Variants in DOCK9 observed in about 807,000 individuals in gnomAD.
The protein encoded by DOCK9 is dedicator of cytokinesis 9.
DOCK9 carries 89 observed loss-of-function variants against 263.3 expected under a neutral mutation model. The ratio of observed to expected loss-of-function variants is 0.34; its 90% CI spans 0.28 to 0.40. DOCK9 has a LOEUF of 0.40. Ranked by LOEUF, DOCK9 falls within the 10% of genes least tolerant of loss-of-function variation. The pLI is 1.00. For missense variants in DOCK9, 2,140 were observed against 2,603.4 expected, an observed-to-expected ratio of 0.82 and a Z score of 3.87; for synonymous variants, 976 against 973.1, an observed-to-expected ratio of 1.00 and a Z score of -0.06.
At chr13:98,960,705 C>T (rs750752488) in intron 1 of DOCK9, among the ~76,000 whole-genome samples, 1 of 152,190 alleles carries the variant, frequency 6.6e-6, no homozygotes, top group Non-Finnish European at 1.5e-5. Flanking sequence ...GAACTGGTTA[C>T]AAACGTAAAT....
At chr13:99,034,549 A>C (rs1405939891) in intron 1 of DOCK9, among the ~76,000 whole-genome samples, 3 of 152,160 alleles carry the variant, frequency 2.0e-5, no homozygotes, top group Admixed American at 1.3e-4. Context: ...TCATCTGCAA[A>C]ACATGGATAA....
In DOCK9 at chr13:98,867,968, A is replaced by G. The variant is rs1566781289; in HGVS notation, c.3134T>C (p.Ile1045Thr). 1 of 1,613,766 alleles carries G rather than the reference A, an allele frequency of 6.2e-7. No individual in the cohort carries two copies. Residue 1045 changes from isoleucine to threonine, a missense_variant, in exon 29 of 53, where the codon ATC (isoleucine) becomes ACC (threonine). By Grantham distance (89) the Ile-to-Thr change is moderately conservative. This residue lies in a region of DOCK9 where 1,521 missense variants were observed against 1,741.7 expected (regional missense o/e 0.87). Coordinates refer to ENST00000682017, the MANE Select transcript of DOCK9 (RefSeq NM_001366683.2). The part of the protein sequence containing the change: ...FMDRGFVFKQ[I>T]NNYISCFAPG... ...AGCAAAACAGCTAATGTAGTTGTTG[A>G]TCTGCTTGAAGACAAAGCCCCTGTC...
chr13:98,880,039 G>A (rs1164623877), intron 26 of DOCK9, 70 bp from the exon 27 acceptor site: 5 of 1,204,616 alleles, frequency 4.2e-6, no homozygotes, highest in Admixed American at 2.3e-5. Flanking sequence ...ACTCTCTCAG[G>A]CTGACAATAT....
intron 2 of DOCK9, among the ~76,000 whole-genome samples, chr13:98,949,511 A>C (rs1398998590): frequency 6.6e-6 from 1 of 152,214 alleles, no homozygotes. Context: ...GGGGCAGCCA[A>C]TGTAGAAAAC....
intron 20 of DOCK9, 172 bp downstream of exon 20, chr13:98,885,536 T>TAAAAAAAAAAAAAA (rs11411440): frequency 2.1e-6 from 1 of 466,252 alleles, no homozygotes; most frequent in African/African-American, 2.2e-5. Context: ...GCTCAAAAAT[T>TAAAAAAAAAAAAAA]AAAAAAAAAA....
chr13:98,890,632 T>C (rs561416220), intron 15 of DOCK9, among the ~76,000 whole-genome samples: 1 of 152,314 alleles, frequency 6.6e-6, no homozygotes, highest in African/African-American at 2.4e-5. Flanking sequence ...AGATTCAGCA[T>C]TTGGTTTTGT....
intron 9 of DOCK9, among the ~76,000 whole-genome samples, chr13:98,910,108 G>C (rs1188853087): frequency 2.0e-5 from 3 of 152,000 alleles, no homozygotes; most frequent in African/African-American, 7.3e-5. Context: ...ACATAAGGTG[G>C]GTTTTCTTCA....
At chr13:98,821,445 T>C (rs987583398) in intron 45 of DOCK9, among the ~76,000 whole-genome samples, 2 of 152,244 alleles carry the variant, frequency 1.3e-5, no homozygotes, top group Admixed American at 6.5e-5. Flanking sequence ...ACATCCCTTG[T>C]TGGCTTCCCT....
At chr13:98,852,625 A>G (rs1303724076) in intron 35 of DOCK9, among the ~76,000 whole-genome samples, 1 of 152,224 alleles carries the variant, frequency 6.6e-6, no homozygotes, top group Non-Finnish European at 1.5e-5. Context: ...GTTCATCCTA[A>G]TTCAATCACC....
At chr13:98,836,011 C>T (rs1352370590) in intron 39 of DOCK9, among the ~76,000 whole-genome samples, 1 of 152,138 alleles carries the variant, frequency 6.6e-6, no homozygotes, top group Admixed American at 6.5e-5. Flanking sequence ...GCTGGGATTA[C>T]AGGTGTGAGC....
chr13:98,955,395 A>T (rs1266158107), intron 2 of DOCK9, 40 bp downstream of exon 2: 1 of 1,362,290 alleles, frequency 7.3e-7, no homozygotes, highest in African/African-American at 1.4e-5. Context: ...TGTTAAGATC[A>T]AACACGTGGT....
intron 27 of DOCK9, among the ~76,000 whole-genome samples, chr13:98,869,348 A>G (rs2094131525): frequency 6.6e-6 from 1 of 152,220 alleles, no homozygotes; most frequent in Non-Finnish European, 1.5e-5. Flanking sequence ...TTTAATCCTC[A>G]TTTGTTAAAG....
At chr13:98,843,768 GC>G (rs2093301783) in intron 38 of DOCK9, among the ~76,000 whole-genome samples, 1 of 152,124 alleles carries the variant, frequency 6.6e-6, no homozygotes, top group African/African-American at 2.4e-5. Context: ...ATGGCTTTTG[GC>G]AGCAGCAGCA....
intron 24 of DOCK9, 70 bp downstream of exon 24, chr13:98,881,822 G>T: frequency 7.3e-7 from 1 of 1,368,640 alleles, no homozygotes; most frequent in Non-Finnish European, 1.0e-6. Context: ...TAGCATCCCA[G>T]CTATGCATGA....
chr13:99,028,868 G>T (rs1887051230), intron 1 of DOCK9, among the ~76,000 whole-genome samples: 1 of 152,222 alleles, frequency 6.6e-6, no homozygotes, highest in South Asian at 2.1e-4. Context: ...GTTAAAATAT[G>T]TTTAGGAGGA....
intron 1 of DOCK9, among the ~76,000 whole-genome samples, chr13:99,061,800 T>C (rs945802430): frequency 1.3e-5 from 2 of 152,180 alleles, no homozygotes; most frequent in African/African-American, 2.4e-5. Flanking sequence ...TGTAAATGTT[T>C]TCTAATTTTC....
At chr13:99,017,142 A>G (rs1248643804) in intron 1 of DOCK9, among the ~76,000 whole-genome samples, 1 of 152,220 alleles carries the variant, frequency 6.6e-6, no homozygotes, top group Non-Finnish European at 1.5e-5. Flanking sequence ...TCTGGGGTCT[A>G]GAGCATTCCA....
At chr13:99,081,718 C>T (rs1246430476) in intron 1 of DOCK9, among the ~76,000 whole-genome samples, 1 of 152,268 alleles carries the variant, frequency 6.6e-6, no homozygotes, top group East Asian at 1.9e-4. Context: ...AGGTAAAATC[C>T]TTTCAGGAGC....
chr13:98,955,704 C>T (rs1189174943), intron 1 of DOCK9, among the ~76,000 whole-genome samples, 153 bp from the exon 2 acceptor site: 1 of 152,204 alleles, frequency 6.6e-6, no homozygotes, highest in Non-Finnish European at 1.5e-5. Context: ...AGAGTTGTTT[C>T]CAAAGGGACA....
Sources: gnomAD v4.1 joint callset for allele counts (sites outside exome capture counted in the v4.1 genomes callset) on GRCh38, gnomAD v4.1.1 for gene constraint, gnomAD v4.1.1 regional missense constraint, MANE v1.5 for transcripts, NCBI Gene and HGNC (gene_info 2026-07-23, HGNC 2026-07-21) for gene names.